Variants in CDH9 observed in about 807,000 individuals in gnomAD.
The protein encoded by CDH9 is cadherin-9.
In CDH9, 28 loss-of-function variants were observed where a neutral mutation model predicts 70.9. The observed-to-expected ratio is 0.40, with a 90% CI of 0.29 to 0.54. CDH9 has a LOEUF of 0.54. Ranked by LOEUF, CDH9 falls within the 20% of genes least tolerant of loss-of-function variation. The pLI, the probability that CDH9 is intolerant of heterozygous loss-of-function variation, is 0.59. For missense variants in CDH9, 874 were observed against 984.4 expected, an observed-to-expected ratio of 0.89 and a Z score of 1.50; for synonymous variants, 409 against 343.1, an observed-to-expected ratio of 1.19 and a Z score of -2.12.
chr5:26,890,394 A>C, intron 8 of CDH9, 34 bp downstream of exon 8: 1 of 1,594,330 alleles, frequency 6.3e-7, no homozygotes, highest in Non-Finnish European at 8.6e-7. Context: ...TTGATGAAAG[A>C]CAGTGTCTTC....
intron 1 of CDH9, among the ~76,000 whole-genome samples, chr5:26,997,524 T>A (rs980126394): frequency 6.6e-6 from 1 of 152,070 alleles, no homozygotes; most frequent in African/African-American, 2.4e-5. Context: ...TAATATTGTA[T>A]ATATTTTAAC....
In CDH9 at chr5:26,881,596, T is replaced by A. The variant is rs757970419; in HGVS notation, c.1910A>T (p.Lys637Met). 2.5e-6 allele frequency: 4 copies of A among 1,610,866 alleles called. No homozygotes were observed. The highest frequency in any genetic ancestry group is 2.5e-6 in the Non-Finnish European group (3 of 1,178,940). The change falls in exon 12 of 12, where the codon AAG becomes ATG. Residue 637 changes from lysine (K) to methionine (M), a missense_variant. Coordinates refer to ENST00000231021, the MANE Select transcript of CDH9 (RefSeq NM_016279.4). Reference sequence around the variant, plus strand: ...CAGAGGTTCCTTTTTTCTTTGCCTCTTCAATGCAGCAAACAACACGACTAA... The same window carrying A: ...CAGAGGTTCCTTTTTTCTTTGCCTCATCAATGCAGCAAACAACACGACTAA... ...LILVVLFAAL[K>M]RQRKKEPLII... is the part of the protein sequence containing the mutation.
chr5:26,915,464 A>AAGATATATAG (rs1259865434), intron 3 of CDH9, among the ~76,000 whole-genome samples, 166 bp downstream of exon 3: 1 of 152,024 alleles, frequency 6.6e-6, no homozygotes, highest in Admixed American at 6.6e-5. Flanking sequence ...CAGGAGAATT[A>AAGATATATAG]AGATATATAG....
At position 27,027,550 on chromosome 5, in the gene CDH9, T is replaced by G. The variant is rs115838827; in HGVS notation, c.-50+10913A>C. Among the ~76,000 whole-genome samples the G allele has an allele frequency of 6.8e-3, 1,037 of 152,162 alleles. 13 individuals carry two copies. Among genetic ancestry groups the G allele is most frequent in the African/African-American group, 0.024 (1,001 of 41,556 alleles). ...ATCTTAGTTTTGCACAGGAAGCTCCTGGAGCCCCAAGGCATTAGAAGACTT... is the reference window on the plus strand; with the variant it reads ...ATCTTAGTTTTGCACAGGAAGCTCCGGGAGCCCCAAGGCATTAGAAGACTT... On this transcript the variant is annotated intron_variant, in intron 1 of 11. Transcript: ENST00000231021.
intron 2 of CDH9, among the ~76,000 whole-genome samples, chr5:26,964,093 A>C (rs1217673158): frequency 6.6e-6 from 1 of 150,956 alleles, no homozygotes; most frequent in African/African-American, 2.4e-5. Context: ...CTCTATAATA[A>C]AGCTCTCATA....
chr5:26,986,751 G>T (rs1012739132), intron 2 of CDH9, among the ~76,000 whole-genome samples: 4 of 151,978 alleles, frequency 2.6e-5, no homozygotes, highest in African/African-American at 9.7e-5. Context: ...TTTGCTAGCT[G>T]AACTTGAATT....
At chr5:26,918,898 T>C (rs1741194317) in intron 2 of CDH9, among the ~76,000 whole-genome samples, 2 of 152,204 alleles carry the variant, frequency 1.3e-5, no homozygotes, top group East Asian at 3.9e-4. Flanking sequence ...AATCTTGAGA[T>C]CCAATTCCTT....
At chr5:26,889,672 C>T (rs1740622183) in intron 9 of CDH9, among the ~76,000 whole-genome samples, 164 bp downstream of exon 9, 1 of 133,524 alleles carries the variant, frequency 7.5e-6, no homozygotes, top group Non-Finnish European at 1.7e-5. Context: ...TTTTAAATCA[C>T]CTTTTTAAAA....
At position 26,906,005 on chromosome 5, in the gene CDH9, G is replaced by A. The variant is rs1440082124; in HGVS notation, c.765C>T (p.Asn255=). 1.9e-6 allele frequency: 3 copies of A among 1,613,708 alleles called. No homozygotes were observed. Among genetic ancestry groups the A allele is most frequent in the Non-Finnish European group, 2.5e-6 (3 of 1,179,622 alleles). ...MGGLSGTTTV[N]ITLTDVNNNP... Reference sequence around the variant, plus strand: ...TGTTGTTGACATCTGTCAGCGTGATGTTCACTGTGGTGGTTCCAGAAAGGC... The same window carrying A: ...TGTTGTTGACATCTGTCAGCGTGATATTCACTGTGGTGGTTCCAGAAAGGC... Residue 255 remains asparagine, a synonymous_variant, in exon 5 of 12, where the codon AAC becomes AAT. Transcript: ENST00000231021.
chr5:27,014,143 A>G (rs1293425639), intron 1 of CDH9, among the ~76,000 whole-genome samples: 2 of 151,940 alleles, frequency 1.3e-5, no homozygotes, highest in Non-Finnish European at 2.9e-5. Flanking sequence ...CTGCTTCATT[A>G]TCAATCACAT....
chr5:26,913,983 A>G (rs569820932), intron 3 of CDH9, among the ~76,000 whole-genome samples: 2 of 152,174 alleles, frequency 1.3e-5, no homozygotes, highest in East Asian at 3.9e-4. Flanking sequence ...GTGCGATTAA[A>G]TATCAATAGT....
intron 1 of CDH9, among the ~76,000 whole-genome samples, chr5:27,000,874 T>C (rs1266543484): frequency 6.6e-6 from 1 of 152,146 alleles, no homozygotes; most frequent in Non-Finnish European, 1.5e-5. Context: ...AGGCTACATA[T>C]TGAATGATTT....
At chr5:26,996,794 A>G (rs1385627650) in intron 1 of CDH9, among the ~76,000 whole-genome samples, 2 of 151,676 alleles carry the variant, frequency 1.3e-5, no homozygotes, top group East Asian at 1.9e-4. Context: ...AGATATGGAT[A>G]TGCTTTTTAA....
intron 6 of CDH9, chr5:26,903,274 G>C (rs1180058373): frequency 3.0e-6 from 1 of 333,312 alleles, no homozygotes; most frequent in Admixed American, 4.9e-5. Context: ...GCATCTTCAG[G>C]TTTTATTTAT....
At chr5:26,917,727 A>G (rs1741172844) in intron 2 of CDH9, among the ~76,000 whole-genome samples, 1 of 151,972 alleles carries the variant, frequency 6.6e-6, no homozygotes, top group African/African-American at 2.4e-5. Flanking sequence ...CCTTCATCTT[A>G]TCTTCTCTGG....
At chr5:26,887,682 C>T (rs1223089717) in intron 9 of CDH9, among the ~76,000 whole-genome samples, 1 of 151,876 alleles carries the variant, frequency 6.6e-6, no homozygotes, top group Non-Finnish European at 1.5e-5. Flanking sequence ...GGATATAGGC[C>T]GTTTGCAGAT....
chr5:26,895,852 T>C (rs141529080), intron 7 of CDH9, among the ~76,000 whole-genome samples: 204 of 152,194 alleles, frequency 1.3e-3, no homozygotes, highest in African/African-American at 4.5e-3. Context: ...GTCATCCTTC[T>C]AAATTTGATC....
chr5:26,912,700 T>C (rs1741074941), intron 3 of CDH9, among the ~76,000 whole-genome samples: 1 of 152,042 alleles, frequency 6.6e-6, no homozygotes, highest in Non-Finnish European at 1.5e-5. Context: ...TTTTGAATAA[T>C]AAATAATAAA....
chr5:26,947,676 G>A (rs994734790), intron 2 of CDH9, among the ~76,000 whole-genome samples: 1 of 152,094 alleles, frequency 6.6e-6, no homozygotes, highest in African/African-American at 2.4e-5. Flanking sequence ...GAGCAGCACC[G>A]TGAAGCTCTA....
Sources: allele counts gnomAD v4.1 joint callset (sites outside exome capture counted in the v4.1 genomes callset), GRCh38; gene constraint gnomAD v4.1.1; transcripts MANE v1.5; gene names NCBI Gene and HGNC (gene_info 2026-07-23, HGNC 2026-07-21).